ZFHX3: variants seen among roughly 807,000 people sequenced by gnomAD.
ZFHX3 encodes the protein zinc finger homeobox 3.
A neutral mutation model predicts 279.1 loss-of-function variants in ZFHX3; 42 were observed. The ratio of observed to expected loss-of-function variants is 0.15; its 90% confidence interval spans 0.12 to 0.19. The LOEUF is 0.19. Ranked by LOEUF, ZFHX3 falls within the 10% of genes least tolerant of loss-of-function variation. The pLI, the probability that ZFHX3 is intolerant of heterozygous loss-of-function variation, is 1.00. For missense variants in ZFHX3, 4,981 were observed against 4,754.0 expected (o/e 1.05, Z -1.40); for synonymous variants, 2,293 against 1,957.8 (o/e 1.17, Z -4.52).
intron 3 of ZFHX3, among the ~76,000 whole-genome samples, chr16:73,436,609 C>G (rs1229276230): frequency 6.6e-6 from 1 of 152,146 alleles, no homozygotes; most frequent in Non-Finnish European, 1.5e-5. Context: ...CAGACACAGC[C>G]AAACCGTATC....
intron 3 of ZFHX3, among the ~76,000 whole-genome samples, chr16:73,367,995 C>T (rs1223373498): frequency 2.0e-5 from 3 of 151,716 alleles, no homozygotes; most frequent in African/African-American, 7.3e-5. Flanking sequence ...CTCAGCCTCT[C>T]GAGTAGCTGG....
chr16:72,823,392 A>G lies in ZFHX3; in HGVS notation c.3529+6387T>C, dbSNP rs373734626. ...TGTTGAATGGCCTGGTTTCTAGTCAACAACAGGGTTGGGATATGAGTGGCC... is the reference window on the plus strand; with the variant it reads ...TGTTGAATGGCCTGGTTTCTAGTCAGCAACAGGGTTGGGATATGAGTGGCC... On this transcript the variant is annotated intron_variant, in intron 5 of 9. Transcript: ENST00000268489. Among the ~76,000 whole-genome samples the G allele has an allele frequency of 9.8e-5, 15 of 152,308 alleles. No individual in the cohort carries two copies. The South Asian group carries it at 2.9e-3, about 29-fold the overall frequency.
At chr16:73,023,056 C>T (rs528706668) in intron 1 of ZFHX3, among the ~76,000 whole-genome samples, 8 of 152,084 alleles carry the variant, frequency 5.3e-5, no homozygotes, top group Non-Finnish European at 8.8e-5. Context: ...GGCAAAACCC[C>T]ATCTCTACTA....
At chr16:72,898,746 CAAA>C (rs34647860) in intron 3 of ZFHX3, among the ~76,000 whole-genome samples, 35 of 128,132 alleles carry the variant, frequency 2.7e-4, no homozygotes, top group Admixed American at 1.0e-3. Context: ...AACCCTGTCT[CAAA>C]AAAAAAAAAA....
intron 2 of ZFHX3, among the ~76,000 whole-genome samples, chr16:73,488,008 AC>A (rs1650569583): frequency 2.0e-5 from 3 of 152,136 alleles, no homozygotes; most frequent in African/African-American, 7.2e-5. Flanking sequence ...AAACGCACCC[AC>A]CCAACTATGT....
intron 1 of ZFHX3, among the ~76,000 whole-genome samples, chr16:73,807,397 C>T (rs1005278497): frequency 3.3e-5 from 5 of 152,050 alleles, no homozygotes; most frequent in African/African-American, 1.2e-4. Context: ...AGGAAAATGC[C>T]AGAGATATGT....
chr16:73,762,008 C>T (rs1420622573), intron 1 of ZFHX3, among the ~76,000 whole-genome samples: 2 of 151,976 alleles, frequency 1.3e-5, no homozygotes, highest in East Asian at 3.9e-4. Context: ...TGAAGAGCTT[C>T]TGACAGAAAA....
At chr16:73,819,565 A>G (rs1312400104) in intron 1 of ZFHX3, among the ~76,000 whole-genome samples, 1 of 152,152 alleles carries the variant, frequency 6.6e-6, no homozygotes, top group African/African-American at 2.4e-5. Context: ...TCTAATATTG[A>G]ACAATGTGGC....
In ZFHX3 at chr16:72,787,715, C is replaced by T. The variant is rs1462530890; in HGVS notation, c.10561G>A (p.Gly3521Ser). 9.4e-6 allele frequency: 13 copies of T among 1,381,114 alleles called. 1 individual carries two copies. The highest frequency in any genetic ancestry group is 5.6e-5 in the East Asian group (2 of 35,662). The allele number at this position is 1,381,114 out of a possible 1,614,324, so 85.6% of individuals were successfully genotyped here. A position where few individuals can be genotyped will look rare whatever the true frequency, so the allele number is the denominator to read the frequency against. Residue 3521 changes from glycine (G) to serine (S), a missense_variant, in exon 10 of 10, where the codon GGC becomes AGC. Physicochemically the swap from Gly to Ser is moderately conservative, Grantham distance 56. Transcript: ENST00000268489. Reference protein sequence around the residue: ...GGSGGGGGGGGGGGGGGSYHC... With the variant: ...GGSGGGGGGGSGGGGGGSYHC... ...TACGAGCCGCCGCCGCCGCCGCCGC[C>T]GCCACCGCCGCCGCCGCCGCCACTG...
intron 3 of ZFHX3, among the ~76,000 whole-genome samples, chr16:73,399,433 T>G (rs148537089): frequency 2.2e-3 from 340 of 152,270 alleles, no homozygotes; most frequent in African/African-American, 7.8e-3. Flanking sequence ...CTCTCCAACC[T>G]TGGGGACACG....
intron 2 of ZFHX3, among the ~76,000 whole-genome samples, chr16:73,479,371 C>G (rs1275165248): frequency 2.0e-5 from 3 of 152,160 alleles, no homozygotes; most frequent in African/African-American, 7.2e-5. Flanking sequence ...ACCCCAAACC[C>G]CTGCCATACA....
At position 72,801,776 on chromosome 16, in the gene ZFHX3, CT is replaced by C. The variant is rs1380683423; in HGVS notation, c.3865-1648del. Among the ~76,000 whole-genome samples the C allele has an allele frequency of 2.0e-5, 3 of 152,086 alleles. No individual in the cohort carries two copies. The East Asian group carries it at 5.8e-4, about 29-fold the overall frequency. ...GTGGAGATTGCCAAACTCATTCCAT[CT>C]ATTTTCTTTTTAATAGAAGGCATTT... On this transcript the variant is annotated intron_variant, in intron 7 of 9. Coordinates refer to ENST00000268489, the MANE Select transcript of ZFHX3 (RefSeq NM_006885.4).
intron 5 of ZFHX3, among the ~76,000 whole-genome samples, chr16:73,235,162 T>A (rs188654160): frequency 3.8e-4 from 58 of 152,258 alleles, no homozygotes; most frequent in African/African-American, 1.3e-3. Context: ...CTCTGTCTCC[T>A]AGGTTCAAGC....
intron 3 of ZFHX3, among the ~76,000 whole-genome samples, chr16:73,375,750 A>C (rs1293797532): frequency 2.6e-5 from 4 of 152,170 alleles, no homozygotes; most frequent in Admixed American, 1.3e-4. Context: ...CCCACACTAG[A>C]CACCCAATAG....
chr16:73,090,482 T>G (rs1325678762), intron 8 of ZFHX3, among the ~76,000 whole-genome samples: 2 of 152,218 alleles, frequency 1.3e-5, no homozygotes, highest in African/African-American at 2.4e-5. Context: ...CAGGGACCAT[T>G]TGTTTAAATA....
At chr16:73,017,545 G>C (rs1054064830) in intron 1 of ZFHX3, among the ~76,000 whole-genome samples, 39 of 152,194 alleles carry the variant, frequency 2.6e-4, no homozygotes, top group African/African-American at 9.2e-4. Flanking sequence ...CCAATGTCTT[G>C]GCTGCCGTCA....
At chr16:72,977,782 AC>A (rs771599083) in intron 1 of ZFHX3, among the ~76,000 whole-genome samples, 11 of 152,160 alleles carry the variant, frequency 7.2e-5, no homozygotes, top group Non-Finnish European at 7.3e-5. Context: ...CAAACCATGC[AC>A]CCCAGGGTGG....
chr16:73,472,261 T>G (rs557374287), intron 2 of ZFHX3, among the ~76,000 whole-genome samples: 101 of 123,710 alleles, frequency 8.2e-4, no homozygotes, highest in African/African-American at 3.0e-3. Context: ...TTCTACTTTT[T>G]AAATCTTAAA....
intron 2 of ZFHX3, among the ~76,000 whole-genome samples, chr16:73,592,431 A>G (rs2052009150): frequency 6.6e-6 from 1 of 152,170 alleles, no homozygotes. Flanking sequence ...TGGTACATGA[A>G]GGTTCATTAT....
Sources: gnomAD v4.1 joint callset for allele counts (sites outside exome capture counted in the v4.1 genomes callset) on GRCh38, gnomAD v4.1.1 for gene constraint, MANE v1.5 for transcripts, NCBI Gene and HGNC (gene_info 2026-07-23, HGNC 2026-07-21) for gene names.